The following CPAMD8 variants were observed in gnomAD, a reference collection of about 807,000 sequenced individuals.
CPAMD8 encodes the protein C3 and PZP like alpha-2-macroglobulin domain containing 8.
In CPAMD8, 146 loss-of-function variants were observed where a neutral mutation model predicts 224.7. The observed-to-expected ratio is 0.65, with a 90% CI of 0.57 to 0.75. The LOEUF (loss-of-function observed/expected upper bound fraction) is 0.75. Among genes scored for constraint, CPAMD8 ranks in the 30% least tolerant of loss-of-function variants. The pLI is 0.00. For synonymous variants in CPAMD8, 966 were observed against 1,044.6 expected (o/e 0.92, Z 1.45); for missense variants, 2,301 against 2,537.5 (o/e 0.91, Z 2.00).
Position 16,899,500 on chromosome 19 carries a change from C to G in CPAMD8, c.4823G>C (p.Arg1608Pro), listed in dbSNP as rs202120343. The part of the protein sequence containing the change: ...MGMKRYEVAG[R>P]RVLFYFDEIP... ...CTCATCAAAGTAGAAGAGCACTCGG[C>G]GTCCAGCCACTTCATACCTCTTCAT... The change falls in exon 37 of 42, where the codon CGC becomes CCC. Residue 1608 changes from arginine to proline, a missense_variant. Arg to Pro is a moderately radical substitution (Grantham distance 103). Coordinates refer to ENST00000443236, the MANE Select transcript of CPAMD8 (RefSeq NM_015692.5). The surrounding 1 kb of genome is among the most constrained non-coding windows in gnomAD (Gnocchi z 5.4). 1.3e-6 allele frequency: 2 copies of G among 1,574,334 alleles called. No homozygotes were observed. The highest frequency in any genetic ancestry group is 1.7e-6 in the Non-Finnish European group (2 of 1,144,330).
At chr19:16,906,641 T>C (rs2052529903) in intron 30 of CPAMD8, among the ~76,000 whole-genome samples, 1 of 151,896 alleles carries the variant, frequency 6.6e-6, no homozygotes, top group African/African-American at 2.4e-5. Context: ...TGGCCTCAAG[T>C]GATCTGCCCA....
chr19:16,946,911 C>T (rs2054120648), intron 21 of CPAMD8, among the ~76,000 whole-genome samples, 163 bp downstream of exon 21: 1 of 152,176 alleles, frequency 6.6e-6, no homozygotes, highest in Non-Finnish European at 1.5e-5. Context: ...CTCCTGGGCC[C>T]ATTCCTTCTG....
chr19:16,901,246 C>G lies in CPAMD8; in HGVS notation c.4737G>C (p.Leu1579=), dbSNP rs1261438574. The change falls in exon 36 of 42, where the codon CTG becomes CTC. Residue 1579 remains leucine (L), a synonymous_variant. Coordinates refer to ENST00000443236, the MANE Select transcript of CPAMD8 (RefSeq NM_015692.5). The stretch of plus-strand genomic sequence containing the variant: ...TCTCGATGTCTGCCCGGAAGCCTGA[C>G]AGCAGGGGCACCTCCAGGACAGCCA... ...SNMAVLEVPL[L]SGFRADIESL... is the part of the protein sequence containing the mutation. The G allele has an allele frequency of 6.2e-7, 1 of 1,612,826 alleles. No individual in the cohort carries two copies. The highest frequency in any genetic ancestry group is 8.5e-7 in the Non-Finnish European group (1 of 1,179,630).
rs1346497985 is a variant in CPAMD8, at chr19:16,980,706, T to TG, written c.1396-21dup. ...CCCAACCTATGGAAGACACGCAGCATGGGGGGCTCTGCCTCGCACCAATGT... is the reference window on the plus strand; with the variant it reads ...CCCAACCTATGGAAGACACGCAGCATGGGGGGGCTCTGCCTCGCACCAATGT... On this transcript the variant is annotated intron_variant, in intron 13 of 41. Transcript: ENST00000443236. 6 of 1,508,350 alleles carry TG rather than the reference T, an allele frequency of 4.0e-6. No individual in the cohort carries two copies. Among genetic ancestry groups the TG allele is most frequent in the East Asian group, 2.4e-5 (1 of 41,340 alleles). 93.4% of individuals were successfully genotyped at this position (1,508,350 alleles called of 1,614,324 possible).
intron 3 of CPAMD8, among the ~76,000 whole-genome samples, chr19:17,012,047 G>A (rs1405602011): frequency 6.6e-6 from 1 of 151,936 alleles, no homozygotes; most frequent in Non-Finnish European, 1.5e-5. Flanking sequence ...TGGAGACAAG[G>A]CTTACTCTGT....
chr19:16,959,528 G>C (rs2122492386), intron 18 of CPAMD8, among the ~76,000 whole-genome samples: 1 of 151,178 alleles, frequency 6.6e-6, no homozygotes, highest in African/African-American at 2.4e-5. Flanking sequence ...TATGCTTGTT[G>C]GCTGCACGTA....
Position 17,022,203 on chromosome 19 carries a change from G to A in CPAMD8, c.93-22C>T, listed in dbSNP as rs1039538025. On this transcript the variant is annotated intron_variant, in intron 1 of 41. Transcript: ENST00000443236. ...ACCCCTGCAGGAAAGGAGATCCGAG[G>A]TGAAGTTCTCACCCCAGACCCCTGG... 6.2e-6 allele frequency: 10 copies of A among 1,604,676 alleles called. No individual in the cohort carries two copies. The Admixed American group carries it at 1.0e-4, about 16-fold the overall frequency.
intron 5 of CPAMD8, among the ~76,000 whole-genome samples, chr19:17,010,341 C>G (rs1284674585): frequency 1.3e-5 from 2 of 152,036 alleles, no homozygotes; most frequent in Non-Finnish European, 2.9e-5. Flanking sequence ...CTCAAGAGAT[C>G]CTCCTGACTC....
At chr19:16,997,809 G>A (rs2056182647) in intron 10 of CPAMD8, among the ~76,000 whole-genome samples, 1 of 151,844 alleles carries the variant, frequency 6.6e-6, no homozygotes, top group Non-Finnish European at 1.5e-5. Context: ...CCTGAATTGT[G>A]CCACTGCACT....
rs1390811165 is a variant in CPAMD8 at position 17,002,574 on chromosome 19, C to T, written c.674-224G>A. On this transcript the variant is annotated intron_variant, in intron 8 of 41. Coordinates refer to ENST00000443236, the MANE Select transcript of CPAMD8 (RefSeq NM_015692.5). ...GACCCCATTTTCCTCAAGGGGCCTCCCCTGTCACTTTTAGACCACGTGCTT... is the reference window on the plus strand; with the variant it reads ...GACCCCATTTTCCTCAAGGGGCCTCTCCTGTCACTTTTAGACCACGTGCTT... 6.5e-5 allele frequency: 29 copies of T among 446,108 alleles called. No individual in the cohort carries two copies. The East Asian group carries it at 8.9e-4, about 14-fold the overall frequency. 27.6% of individuals were successfully genotyped at this position (446,108 alleles called of 1,614,324 possible).
chr19:16,902,876 G>A lies in CPAMD8; in HGVS notation c.4471-13C>T, dbSNP rs139885067. On this transcript the variant is annotated splice_polypyrimidine_tract_variant and intron_variant, in intron 34 of 41. Coordinates refer to ENST00000443236, the MANE Select transcript of CPAMD8 (RefSeq NM_015692.5). ...AGGTGACATCAATCTGGGGGGTGTTGGAGGATGGAGGCTTAGGGACCTGGG... is the reference window on the plus strand; with the variant it reads ...AGGTGACATCAATCTGGGGGGTGTTAGAGGATGGAGGCTTAGGGACCTGGG... 683 of 1,507,576 alleles carry A rather than the reference G, an allele frequency of 4.5e-4. 7 individuals carry two copies. In the African/African-American group the frequency reaches 8.2e-3, roughly 18 times the overall value. 93.4% of individuals were successfully genotyped at this position (1,507,576 alleles called of 1,614,324 possible).
intron 3 of CPAMD8, among the ~76,000 whole-genome samples, chr19:17,016,712 A>G (rs1237324289): frequency 1.3e-5 from 2 of 152,098 alleles, no homozygotes; most frequent in African/African-American, 2.4e-5. Flanking sequence ...GTGAGCTGAG[A>G]TCGTGCCACT....
intron 3 of CPAMD8, among the ~76,000 whole-genome samples, chr19:17,015,354 G>A (rs1423757696): frequency 6.6e-6 from 1 of 152,200 alleles, no homozygotes; most frequent in Non-Finnish European, 1.5e-5. Flanking sequence ...AGGGGTGGAT[G>A]GACCCTGGTG....
chr19:16,900,186 T>G (rs2052196715), intron 36 of CPAMD8, among the ~76,000 whole-genome samples: 1 of 152,060 alleles, frequency 6.6e-6, no homozygotes, highest in Admixed American at 6.6e-5. Flanking sequence ...TGGTCTGTCT[T>G]AGGGTTGTGA....
In CPAMD8 at chr19:16,976,011, A is replaced by T. The variant is rs776937845; in HGVS notation, c.1899T>A (p.Thr633=). The T allele has an allele frequency of 3.1e-6, 5 of 1,594,754 alleles. No individual in the cohort carries two copies. The Admixed American group carries it at 8.6e-5, about 27-fold the overall frequency. Residue 633 remains threonine (T), a synonymous_variant, in exon 16 of 42, where the codon ACT becomes ACA. Transcript: ENST00000443236. ...CGAGGGGTCTGCTCACCTGGGCAGG[A>T]GTCAGCCGGAACCCAGACCTGAGCA... is the stretch of plus-strand genomic sequence containing the variant. ...VYLLRSGFRL[T]PAQVFQELED...
chr19:16,939,055 C>A (rs1421085204), intron 22 of CPAMD8, among the ~76,000 whole-genome samples: 1 of 152,164 alleles, frequency 6.6e-6, no homozygotes, highest in Non-Finnish European at 1.5e-5. Context: ...CAACACGGCC[C>A]CTGTGGGGGC....
intron 23 of CPAMD8, among the ~76,000 whole-genome samples, chr19:16,934,960 T>A (rs1037625334): frequency 2.0e-5 from 3 of 152,128 alleles, no homozygotes; most frequent in African/African-American, 7.2e-5. Flanking sequence ...ATTATTACAT[T>A]AAGCACTCGC....
intron 13 of CPAMD8, 25 bp downstream of exon 13, chr19:16,989,618 G>A: frequency 1.2e-6 from 2 of 1,610,490 alleles, no homozygotes; most frequent in Non-Finnish European, 1.7e-6. Flanking sequence ...CATGGCCCAG[G>A]AAGGGTAGCT....
intron 7 of CPAMD8, among the ~76,000 whole-genome samples, chr19:17,007,289 G>A (rs1479421232): frequency 6.6e-6 from 1 of 151,734 alleles, no homozygotes; most frequent in Non-Finnish European, 1.5e-5. Context: ...AGCCGACATC[G>A]TGCCACTGCA....
Sources: allele counts gnomAD v4.1 joint callset (sites outside exome capture counted in the v4.1 genomes callset), GRCh38; gene constraint gnomAD v4.1.1; non-coding constraint Gnocchi (gnomAD v3.1); transcripts MANE v1.5; gene names NCBI Gene and HGNC (gene_info 2026-07-23, HGNC 2026-07-21).